CYLC1: variants seen among roughly 807,000 people sequenced by gnomAD.
CYLC1 encodes the protein cylicin-1.
In CYLC1, 2 loss-of-function variants were observed where a neutral mutation model predicts 31.6. That is an observed-to-expected ratio of 0.06 (90% confidence interval 0.03 to 0.20). The LOEUF (loss-of-function observed/expected upper bound fraction) is 0.20, where lower values mean the gene tolerates loss of function less well. Ranked by LOEUF, CYLC1 falls within the 10% of genes least tolerant of loss-of-function variation. The pLI, the probability that CYLC1 is intolerant of heterozygous loss-of-function variation, is 1.00. For missense variants in CYLC1, 595 were observed against 424.1 expected, an observed-to-expected ratio of 1.40 and a Z score of -3.54; for synonymous variants, 185 against 153.0, an observed-to-expected ratio of 1.21 and a Z score of -1.54.
intron 1 of CYLC1, among the ~76,000 whole-genome samples, chrX:83,865,622 C>G (rs1262637718): frequency 9.0e-6 from 1 of 111,631 alleles, no homozygotes; most frequent in Non-Finnish European, 1.9e-5. Flanking sequence ...AGGGCTGATT[C>G]TTTCTGAAGG....
chrX:83,863,738 C>G (rs2031549740), intron 1 of CYLC1, among the ~76,000 whole-genome samples: 1 of 111,935 alleles, frequency 8.9e-6, no homozygotes. Flanking sequence ...TACCCCAACA[C>G]CACACCTTCA....
Position 83,871,710 on chromosome X carries a change from T to A in CYLC1, c.177+140T>A, listed in dbSNP as rs2031667785. On this transcript the variant is annotated intron_variant, in intron 3 of 4. Transcript: ENST00000329312. ...ATTTGTAATTCTCTGTACAACAGAC[T>A]GCCCCTACCTGCTTTAGATTAAGCT... 3 of 489,181 alleles carry A rather than the reference T, an allele frequency of 6.1e-6. No individual in the cohort carries two copies. In the East Asian group the frequency reaches 1.3e-4, roughly 21 times the overall value. 40.3% of individuals were successfully genotyped at this position (489,181 alleles called of 1,213,427 possible).
At chrX:83,864,677 A>G (rs2031567967) in intron 1 of CYLC1, 1 of 316,080 alleles carries the variant, frequency 3.2e-6, no homozygotes, top group African/African-American at 2.7e-5. Flanking sequence ...TACTGGAGAT[A>G]ATCACTATTA....
At chrX:83,871,102 T>A (rs911844305) in intron 2 of CYLC1, among the ~76,000 whole-genome samples, 1 of 109,891 alleles carries the variant, frequency 9.1e-6, no homozygotes, top group Admixed American at 9.8e-5. Flanking sequence ...AAAAACAGGA[T>A]AGACGAGATG....
intron 4 of CYLC1, among the ~76,000 whole-genome samples, chrX:83,876,790 C>A (rs1203886027): frequency 9.0e-6 from 1 of 111,110 alleles, no homozygotes; most frequent in Admixed American, 9.6e-5. Context: ...ATTTTAACCA[C>A]CTTTATTGTA....
intron 4 of CYLC1, 117 bp from the exon 5 acceptor site, chrX:83,886,435 C>T: frequency 3.1e-6 from 2 of 649,860 alleles, no homozygotes; most frequent in Non-Finnish European, 4.7e-6. Flanking sequence ...TATCCAAGTT[C>T]CCTTTCAACT....
intron 1 of CYLC1, among the ~76,000 whole-genome samples, chrX:83,863,823 C>T (rs1308782352): frequency 9.0e-6 from 1 of 111,669 alleles, no homozygotes; most frequent in Non-Finnish European, 1.9e-5. Context: ...CCTAAGGCTA[C>T]TGTAAGAAAC....
At chrX:83,872,803 T>C (rs920156943) in intron 3 of CYLC1, 83 bp from the exon 4 acceptor site, 3 of 774,538 alleles carry the variant, frequency 3.9e-6, no homozygotes, top group South Asian at 7.6e-5. Context: ...AGATGGTTAA[T>C]AAAAATATAA....
chrX:83,870,025 A>G, intron 2 of CYLC1, 120 bp downstream of exon 2: 1 of 368,794 alleles, frequency 2.7e-6, no homozygotes, highest in South Asian at 1.0e-4. Context: ...TTTTATAAAA[A>G]TTTTATAAAA....
chrX:83,879,391 G>A (rs984461703), intron 4 of CYLC1, among the ~76,000 whole-genome samples: 5 of 110,665 alleles, frequency 4.5e-5, no homozygotes, highest in African/African-American at 1.6e-4. Flanking sequence ...TACATAATTT[G>A]TTTTGACCAA....
intron 4 of CYLC1, among the ~76,000 whole-genome samples, chrX:83,875,710 G>T (rs75721485): frequency 4.5e-5 from 5 of 111,502 alleles, no homozygotes; most frequent in African/African-American, 1.6e-4. Context: ...GATGAGATTT[G>T]GGTGGGGACA....
intron 1 of CYLC1, among the ~76,000 whole-genome samples, chrX:83,864,248 G>A (rs1403389235): frequency 9.0e-6 from 1 of 110,896 alleles, no homozygotes; most frequent in Non-Finnish European, 1.9e-5. Context: ...TAAATTTGGG[G>A]GACATAATTC....
Position 83,873,832 on chromosome X carries a change from G to C in CYLC1, c.1124G>C (p.Gly375Ala). The change falls in exon 4 of 5, where the codon GGA becomes GCA. Residue 375 changes from glycine (G) to alanine (A), a missense_variant. By Grantham distance (60) the Gly-to-Ala change is moderately conservative. Coordinates refer to ENST00000329312, the MANE Select transcript of CYLC1 (RefSeq NM_021118.3). The stretch of plus-strand genomic sequence containing the variant: ...CCAGAGTCTACTGATACTGAATCAG[G>C]AGATGCAAAGGATGCAAGAAATGAT... ...KYPESTDTESGDAKDARNDSR... is the reference protein window; with the variant it reads ...KYPESTDTESADAKDARNDSR... 6 of 1,181,127 alleles carry C rather than the reference G, an allele frequency of 5.1e-6. No homozygotes were observed. Among genetic ancestry groups the C allele is most frequent in the Non-Finnish European group, 6.9e-6 (6 of 871,067 alleles).
chrX:83,884,345 T>C (rs2031953757), intron 4 of CYLC1, among the ~76,000 whole-genome samples: 1 of 111,966 alleles, frequency 8.9e-6, no homozygotes, highest in East Asian at 2.8e-4. Flanking sequence ...GTCAGATATA[T>C]AGATTATGAA....
Position 83,875,079 on chromosome X carries a change from T to C in CYLC1, c.1923+448T>C, listed in dbSNP as rs772235652. Among the ~76,000 whole-genome samples, 4 of 111,617 alleles carry C rather than the reference T, an allele frequency of 3.6e-5. No individual in the cohort carries two copies. In the South Asian group the frequency reaches 1.5e-3, roughly 41 times the overall value. On this transcript the variant is annotated intron_variant, in intron 4 of 4. Transcript: ENST00000329312. ...ATTCATACATAGCAGGTGGAATACA[T>C]GCCAAGATTCAACTGTGCAAAAAAA...
chrX:83,883,968 C>A (rs759441702), intron 4 of CYLC1, among the ~76,000 whole-genome samples: 81 of 111,326 alleles, frequency 7.3e-4, no homozygotes, highest in African/African-American at 2.5e-3. Context: ...TTGACAGAGA[C>A]AATGGAGAAG....
intron 3 of CYLC1, 70 bp downstream of exon 3, chrX:83,871,640 G>A: frequency 5.0e-6 from 5 of 998,974 alleles, no homozygotes; most frequent in Non-Finnish European, 6.7e-6. Context: ...TATAAGTAAG[G>A]CCTATATAAC....
At chrX:83,863,240 C>T (rs1040683758) in intron 1 of CYLC1, among the ~76,000 whole-genome samples, 5 of 111,303 alleles carry the variant, frequency 4.5e-5, no homozygotes, top group African/African-American at 1.6e-4. Flanking sequence ...TACTACTGCA[C>T]ATATCCCTCC....
At chrX:83,878,447 A>T (rs1187274849) in intron 4 of CYLC1, among the ~76,000 whole-genome samples, 4 of 65,985 alleles carry the variant, frequency 6.1e-5, no homozygotes, top group East Asian at 9.2e-4. Context: ...ATATATAAAT[A>T]TATATAAATA....
Sources: gnomAD v4.1 joint callset for allele counts (sites outside exome capture counted in the v4.1 genomes callset) on GRCh38, gnomAD v4.1.1 for gene constraint, MANE v1.5 for transcripts, NCBI Gene and HGNC (gene_info 2026-07-23, HGNC 2026-07-21) for gene names.